The following LINC00305 variants were observed in gnomAD, a reference collection of about 807,000 sequenced individuals.
The protein encoded by LINC00305 is long intergenic non-protein coding RNA 305.
chr18:64,115,414 G>A (rs1054789308), intron 1 of LINC00305, among the ~76,000 whole-genome samples: 2 of 152,138 alleles, frequency 1.3e-5, no homozygotes, highest in African/African-American at 4.8e-5. Flanking sequence ...CCAGCCTGAG[G>A]ACTTTGCAAA....
chr18:64,111,529 G>C (rs1413242545), intron 1 of LINC00305, among the ~76,000 whole-genome samples: 1 of 152,216 alleles, frequency 6.6e-6, no homozygotes, highest in East Asian at 1.9e-4. Flanking sequence ...TTATAGAATA[G>C]TAAGGAAAAT....
intron 1 of LINC00305, among the ~76,000 whole-genome samples, chr18:64,105,336 C>G (rs911622460): frequency 1.3e-5 from 2 of 152,116 alleles, no homozygotes; most frequent in Non-Finnish European, 2.9e-5. Flanking sequence ...TGACACACAC[C>G]TGTAGTCCCA....
chr18:64,101,872 A>G (rs1193733471), intron 1 of LINC00305, among the ~76,000 whole-genome samples: 12 of 152,196 alleles, frequency 7.9e-5, no homozygotes, highest in Admixed American at 7.9e-4. Context: ...TCCACATGGT[A>G]GGTTGTAGCC....
At chr18:64,084,808 A>G (rs1400301369) in intron 3 of LINC00305, among the ~76,000 whole-genome samples, 1 of 152,226 alleles carries the variant, frequency 6.6e-6, no homozygotes, top group East Asian at 1.9e-4. Flanking sequence ...TCAGCCCCAT[A>G]TATCTTTCAT....
chr18:64,101,042 C>T (rs2051266158), intron 1 of LINC00305, among the ~76,000 whole-genome samples: 1 of 152,210 alleles, frequency 6.6e-6, no homozygotes. Context: ...CAAAGCTGGA[C>T]ATCTTTGCAA....
intron 1 of LINC00305, among the ~76,000 whole-genome samples, chr18:64,138,827 A>G (rs2051447303): frequency 6.6e-6 from 1 of 152,196 alleles, no homozygotes; most frequent in Non-Finnish European, 1.5e-5. Context: ...GTAAAACTCA[A>G]CCACCACTTA....
exon 4 of LINC00305, chr18:64,080,297 C>G (rs1025830206): frequency 6.6e-6 from 3 of 457,112 alleles, no homozygotes; most frequent in African/African-American, 6.0e-5. Flanking sequence ...AAAACGTCAT[C>G]CAGCTTAGTG....
At chr18:64,101,041 A>G (rs1404741153) in intron 1 of LINC00305, among the ~76,000 whole-genome samples, 1 of 152,184 alleles carries the variant, frequency 6.6e-6, no homozygotes, top group Non-Finnish European at 1.5e-5. Context: ...ACAAAGCTGG[A>G]CATCTTTGCA....
chr18:64,088,118 C>T (rs868338726), intron 3 of LINC00305, among the ~76,000 whole-genome samples: 7 of 150,650 alleles, frequency 4.6e-5, no homozygotes, highest in Middle Eastern at 3.5e-3. Context: ...CCAGCCTGGG[C>T]GACAGAGCGA....
intron 1 of LINC00305, among the ~76,000 whole-genome samples, chr18:64,146,955 A>G (rs553562570): frequency 7.7e-4 from 118 of 152,282 alleles, no homozygotes; most frequent in African/African-American, 2.7e-3. Context: ...GTCAATTTGT[A>G]TGTTTTTCAG....
intron 1 of LINC00305, among the ~76,000 whole-genome samples, chr18:64,132,011 C>T (rs1450176124): frequency 1.6e-4 from 25 of 152,116 alleles, no homozygotes; most frequent in Non-Finnish European, 1.9e-4. Context: ...TTTATTTTTC[C>T]ATTATTGATG....
chr18:64,145,420 G>C lies in LINC00305; in HGVS notation n.314+3355C>G, dbSNP rs979496077. On this transcript the variant is annotated intron_variant and non_coding_transcript_variant, in intron 1 of 3. Transcript: ENST00000666468. The stretch of plus-strand genomic sequence containing the variant: ...TAAATGCTGGTATATCCAGTGCATT[G>C]TTGGCACCATGGGACCAGAAGGCGG... 3.3e-5 allele frequency among the ~76,000 whole-genome samples: 5 copies of C among 152,094 alleles called. No individual in the cohort carries two copies. In the South Asian group the frequency reaches 6.2e-4, roughly 19 times the overall value.
At chr18:64,137,973 G>C (rs558333639) in intron 1 of LINC00305, among the ~76,000 whole-genome samples, 1 of 152,082 alleles carries the variant, frequency 6.6e-6, no homozygotes, top group African/African-American at 2.4e-5. Flanking sequence ...ATTTGGATGA[G>C]AAATATTAAT....
At position 64,081,520 on chromosome 18, in the gene LINC00305, A is replaced by G. The variant is rs550364971; in HGVS notation, n.541-1118T>C. ...GGAAAAAATGTTCTCAAAAGATACC[A>G]ACATTAGTAATTCCCTGGATTTATG... On this transcript the variant is annotated intron_variant and non_coding_transcript_variant, in intron 3 of 3. Coordinates refer to ENST00000666468, the Ensembl canonical transcript of LINC00305. 1.3e-4 allele frequency among the ~76,000 whole-genome samples: 20 copies of G among 152,342 alleles called. No homozygotes were observed. The East Asian group carries it at 3.7e-3, about 28-fold the overall frequency.
chr18:64,136,522 G>T (rs1037635687), intron 1 of LINC00305, among the ~76,000 whole-genome samples: 1 of 152,168 alleles, frequency 6.6e-6, no homozygotes. Flanking sequence ...CGTGAGAACA[G>T]CATGGGGCAA....
At chr18:64,097,686 T>A (rs1445732806) in intron 3 of LINC00305, 2 of 315,016 alleles carry the variant, frequency 6.3e-6, no homozygotes, top group African/African-American at 4.3e-5. Flanking sequence ...GCTTTTAGAT[T>A]GCAAAAAAAG....
At chr18:64,101,423 C>T (rs1263186733) in intron 1 of LINC00305, among the ~76,000 whole-genome samples, 3 of 152,136 alleles carry the variant, frequency 2.0e-5, no homozygotes, top group East Asian at 1.9e-4. Flanking sequence ...ATGTTGCTAG[C>T]TTCTGGTGGT....
intron 1 of LINC00305, among the ~76,000 whole-genome samples, chr18:64,105,562 G>A (rs1348470688): frequency 6.6e-6 from 1 of 152,140 alleles, no homozygotes; most frequent in Non-Finnish European, 1.5e-5. Context: ...TCTGTGGGTG[G>A]TGTGTATGTG....
chr18:64,109,210 C>T (rs536166542), intron 1 of LINC00305, among the ~76,000 whole-genome samples: 1 of 152,248 alleles, frequency 6.6e-6, no homozygotes, highest in African/African-American at 2.4e-5. Flanking sequence ...AACAGGGACA[C>T]CAATACAAAG....
Sources: allele counts gnomAD v4.1 joint callset (sites outside exome capture counted in the v4.1 genomes callset), GRCh38; gene constraint gnomAD v4.1.1; transcripts MANE v1.5; gene names NCBI Gene and HGNC (gene_info 2026-07-23, HGNC 2026-07-21).